NHS: variants seen among roughly 807,000 people sequenced by gnomAD.
The protein encoded by NHS is actin remodeling regulator NHS.
In NHS, 5 loss-of-function variants were observed where a neutral mutation model predicts 72.5. The observed-to-expected ratio is 0.07, with a 90% CI of 0.04 to 0.14. NHS has a LOEUF of 0.14. NHS is among the 10% of genes least tolerant of loss of function. NHS has a pLI of 1.00. For synonymous variants in NHS, 464 were observed against 547.7 expected, an observed-to-expected ratio of 0.85 and a Z score of 2.13; for missense variants, 1,072 against 1,355.7, an observed-to-expected ratio of 0.79 and a Z score of 3.29.
chrX:17,537,150 C>T (rs771929938), intron 1 of NHS, among the ~76,000 whole-genome samples: 20 of 112,237 alleles, frequency 1.8e-4, no homozygotes, highest in South Asian at 1.1e-3. Flanking sequence ...TGTCCCATCT[C>T]GGGCACGTAT....
chrX:17,428,285 G>A (rs771133845), intron 1 of NHS, among the ~76,000 whole-genome samples: 1 of 112,514 alleles, frequency 8.9e-6, no homozygotes, highest in Non-Finnish European at 1.9e-5. Context: ...ATCCTTCTGA[G>A]TTCTGGTTTT....
intron 1 of NHS, among the ~76,000 whole-genome samples, chrX:17,560,154 T>C (rs2065404848): frequency 8.9e-6 from 1 of 112,138 alleles, no homozygotes; most frequent in Non-Finnish European, 1.9e-5. Context: ...GAGGCTCCCA[T>C]TTCAGTCTTG....
At chrX:17,431,583 A>G (rs1245414804) in intron 1 of NHS, among the ~76,000 whole-genome samples, 8 of 111,669 alleles carry the variant, frequency 7.2e-5, no homozygotes, top group Non-Finnish European at 1.5e-4. Flanking sequence ...GTGGACTCCA[A>G]TAATTCATCT....
At chrX:17,441,984 CT>C (rs761855305) in intron 1 of NHS, among the ~76,000 whole-genome samples, 155 of 112,028 alleles carry the variant, frequency 1.4e-3, no homozygotes, top group Non-Finnish European at 2.3e-3. Flanking sequence ...CTCACCACCC[CT>C]GTCCCCAAGT....
intron 1 of NHS, among the ~76,000 whole-genome samples, chrX:17,414,517 C>T (rs762674052): frequency 2.8e-4 from 31 of 112,046 alleles, no homozygotes; most frequent in Non-Finnish European, 2.1e-4. Context: ...CCCCCGTCTC[C>T]GCGCCAGTGA....
intron 1 of NHS, among the ~76,000 whole-genome samples, chrX:17,561,584 A>G (rs867170442): frequency 7.0e-4 from 68 of 97,323 alleles, no homozygotes; most frequent in Middle Eastern, 5.6e-3. Flanking sequence ...GCACACACAC[A>G]CACACACACA....
At chrX:17,490,558 T>G (rs2064986399) in intron 1 of NHS, among the ~76,000 whole-genome samples, 1 of 112,469 alleles carries the variant, frequency 8.9e-6, no homozygotes, top group African/African-American at 3.2e-5. Flanking sequence ...TCAGGTAGCA[T>G]GATGCCTCCA....
At chrX:17,503,981 A>G (rs2065046250) in intron 1 of NHS, among the ~76,000 whole-genome samples, 1 of 111,511 alleles carries the variant, frequency 9.0e-6, no homozygotes, top group Non-Finnish European at 1.9e-5. Context: ...CCAGACAGGA[A>G]GTCTGGGAAA....
chrX:17,723,743 G>GTGTGTGTGTGTGTC (rs1569318244), intron 5 of NHS, among the ~76,000 whole-genome samples: 3 of 92,586 alleles, frequency 3.2e-5, no homozygotes, highest in Non-Finnish European at 6.1e-5. Context: ...GTGTGTGTGT[G>GTGTGTGTGTGTGTC]TGTGTGTGTG....
intron 1 of NHS, among the ~76,000 whole-genome samples, chrX:17,516,000 A>C (rs952974326): frequency 5.5e-5 from 6 of 109,650 alleles, no homozygotes; most frequent in Non-Finnish European, 1.1e-4. Flanking sequence ...TGCAAGCCAC[A>C]TGTATAATTT....
intron 1 of NHS, among the ~76,000 whole-genome samples, chrX:17,625,005 A>T (rs1057394024): frequency 5.3e-5 from 6 of 112,774 alleles, no homozygotes; most frequent in African/African-American, 1.9e-4. Flanking sequence ...ATCATATTAG[A>T]AATTAAAACT....
intron 1 of NHS, among the ~76,000 whole-genome samples, chrX:17,415,791 G>A (rs2064590957): frequency 9.0e-6 from 1 of 111,651 alleles, no homozygotes; most frequent in Non-Finnish European, 1.9e-5. Context: ...TGTAATAATC[G>A]ATGTTTCTGG....
rs1427425920 is a variant in NHS, at chrX:17,733,872, G to C, written c.*1408G>C. The C allele has an allele frequency of 1.8e-5, 2 of 110,753 alleles. No individual in the cohort carries two copies. Among genetic ancestry groups the C allele is most frequent in the Admixed American group, 1.9e-4 (2 of 10,310 alleles). 9.1% of individuals were successfully genotyped at this position (110,753 alleles called of 1,213,427 possible). ...GAGGAAATGTCAGGGCATGTGCTCT[G>C]ATAAAATAAAGGCAGGGAAACAAGC... On this transcript the variant is annotated 3_prime_UTR_variant, in exon 9 of 9. Transcript: ENST00000676302.
At chrX:17,628,263 G>C (rs372067834) in intron 1 of NHS, among the ~76,000 whole-genome samples, 1 of 112,534 alleles carries the variant, frequency 8.9e-6, no homozygotes, top group African/African-American at 3.2e-5. Context: ...GCTCAAATCC[G>C]GGATGAGGGT....
At chrX:17,537,816 G>A (rs2065235620) in intron 1 of NHS, among the ~76,000 whole-genome samples, 1 of 112,054 alleles carries the variant, frequency 8.9e-6, no homozygotes, top group Non-Finnish European at 1.9e-5. Flanking sequence ...TTTTGTTTGG[G>A]GGGATTGGAG....
chrX:17,418,560 A>G (rs1277380679), intron 1 of NHS, among the ~76,000 whole-genome samples: 1 of 112,046 alleles, frequency 8.9e-6, no homozygotes, highest in Non-Finnish European at 1.9e-5. Flanking sequence ...GGAGGCCAGA[A>G]ATTCCCTCAA....
chrX:17,588,836 C>T (rs1436093752), intron 1 of NHS, among the ~76,000 whole-genome samples: 4 of 111,809 alleles, frequency 3.6e-5, no homozygotes, highest in Non-Finnish European at 7.5e-5. Flanking sequence ...AATCTTATCT[C>T]CTCTATAAAA....
rs76661915 is a variant in NHS, at chrX:17,532,706, C to A, written c.566-155036C>A. 4.5e-5 allele frequency among the ~76,000 whole-genome samples: 5 copies of A among 111,431 alleles called. No individual in the cohort carries two copies. The East Asian group carries it at 1.4e-3, about 32-fold the overall frequency. On this transcript the variant is annotated intron_variant, in intron 1 of 8. Transcript: ENST00000676302. ...CAAGGCAGGGGCTAGGGCTGGGGTT[C>A]TGGAGTAAACTAACTGGCATATAAT...
chrX:17,537,497 A>G (rs1323961540), intron 1 of NHS, among the ~76,000 whole-genome samples: 1 of 112,580 alleles, frequency 8.9e-6, no homozygotes, highest in Non-Finnish European at 1.9e-5. Context: ...GCCTGGTGCT[A>G]TCCTGAGCTA....
Sources: allele counts gnomAD v4.1 joint callset (sites outside exome capture counted in the v4.1 genomes callset), GRCh38; gene constraint gnomAD v4.1.1; transcripts MANE v1.5; gene names NCBI Gene and HGNC (gene_info 2026-07-23, HGNC 2026-07-21).